NHS: variants seen among roughly 807,000 people sequenced by gnomAD.
NHS encodes the protein actin remodeling regulator NHS.
NHS carries 5 observed loss-of-function variants against 72.5 expected under a neutral mutation model. The ratio of observed to expected loss-of-function variants is 0.07; its 90% CI spans 0.04 to 0.14. The LOEUF is 0.14. Ranked by LOEUF, NHS falls within the 10% of genes least tolerant of loss-of-function variation. The pLI is 1.00. For missense variants in NHS, 1,072 were observed against 1,355.7 expected (o/e 0.79, Z 3.29); for synonymous variants, 464 against 547.7 (o/e 0.85, Z 2.13).
intron 1 of NHS, among the ~76,000 whole-genome samples, chrX:17,381,040 G>A (rs2064375408): frequency 9.0e-6 from 1 of 110,694 alleles, no homozygotes; most frequent in Admixed American, 9.6e-5. Context: ...AGAGAAGGGA[G>A]GGTGTTAATA....
intron 1 of NHS, among the ~76,000 whole-genome samples, chrX:17,563,935 G>A (rs887261240): frequency 8.9e-6 from 1 of 111,748 alleles, no homozygotes; most frequent in Non-Finnish European, 1.9e-5. Flanking sequence ...AACAGGTTTC[G>A]TTCTTTTAGA....
intron 1 of NHS, among the ~76,000 whole-genome samples, chrX:17,626,684 A>T (rs904683792): frequency 8.9e-6 from 1 of 112,045 alleles, no homozygotes; most frequent in African/African-American, 3.2e-5. Context: ...ATTCAATGGT[A>T]TGCTATCCAA....
At chrX:17,647,076 G>A (rs758417512) in intron 1 of NHS, among the ~76,000 whole-genome samples, 1 of 111,672 alleles carries the variant, frequency 9.0e-6, no homozygotes, top group Non-Finnish European at 1.9e-5. Context: ...TATAACTAGA[G>A]GGCACTGGGA....
intron 1 of NHS, among the ~76,000 whole-genome samples, chrX:17,547,591 A>C (rs1322224612): frequency 8.9e-6 from 1 of 112,330 alleles, no homozygotes; most frequent in Non-Finnish European, 1.9e-5. Flanking sequence ...CCTTTCAATA[A>C]AGGGACGTTC....
intron 1 of NHS, among the ~76,000 whole-genome samples, chrX:17,655,476 G>A (rs1249183857): frequency 2.7e-5 from 3 of 112,470 alleles, no homozygotes; most frequent in Non-Finnish European, 1.9e-5. Context: ...GCTCCCGCGC[G>A]CCACCGAGTT....
At chrX:17,553,761 G>A (rs924949942) in intron 1 of NHS, among the ~76,000 whole-genome samples, 1 of 111,463 alleles carries the variant, frequency 9.0e-6, no homozygotes. Context: ...TCCTGTTTCG[G>A]GGGCGGGGTA....
At chrX:17,697,606 TTG>T (rs2066238861) in intron 3 of NHS, among the ~76,000 whole-genome samples, 1 of 111,792 alleles carries the variant, frequency 8.9e-6, no homozygotes. Flanking sequence ...CAAGGGATAA[TTG>T]GGGAAATGTC....
At chrX:17,685,007 G>A (rs2147110009) in intron 1 of NHS, among the ~76,000 whole-genome samples, 1 of 112,431 alleles carries the variant, frequency 8.9e-6, no homozygotes, top group South Asian at 3.7e-4. Context: ...TGGTGAACCC[G>A]AAGATGCAGG....
intron 1 of NHS, among the ~76,000 whole-genome samples, chrX:17,592,586 C>T (rs1668564812): frequency 8.9e-6 from 1 of 112,130 alleles, no homozygotes; most frequent in Non-Finnish European, 1.9e-5. Flanking sequence ...TCGAACTTTG[C>T]CTGGCAAATG....
chrX:17,535,973 C>G (rs1298477557), intron 1 of NHS, among the ~76,000 whole-genome samples: 1 of 111,955 alleles, frequency 8.9e-6, no homozygotes, highest in African/African-American at 3.2e-5. Context: ...TAACTCATTC[C>G]CTCTGCTTCC....
chrX:17,452,406 C>T (rs1229978191), intron 1 of NHS, among the ~76,000 whole-genome samples: 7 of 111,354 alleles, frequency 6.3e-5, no homozygotes, highest in African/African-American at 2.0e-4. Flanking sequence ...TAATCTAAAT[C>T]TGGGGCCTCC....
chrX:17,477,288 A>G (rs999594458), intron 1 of NHS, among the ~76,000 whole-genome samples: 1 of 111,808 alleles, frequency 8.9e-6, no homozygotes, highest in African/African-American at 3.2e-5. Context: ...TCATGTGGAT[A>G]TCTGAAGAAG....
At chrX:17,669,600 G>C (rs1226121302) in intron 1 of NHS, among the ~76,000 whole-genome samples, 2 of 111,648 alleles carry the variant, frequency 1.8e-5, no homozygotes, top group Non-Finnish European at 3.8e-5. Context: ...CCAAAAGAGG[G>C]CACCCTAGTC....
chrX:17,575,004 G>A (rs1436034484), intron 1 of NHS, among the ~76,000 whole-genome samples: 1 of 112,007 alleles, frequency 8.9e-6, no homozygotes, highest in Non-Finnish European at 1.9e-5. Flanking sequence ...CAGTGACAAT[G>A]AAGGGAGAAG....
At chrX:17,621,086 A>C (rs1374637337) in intron 1 of NHS, among the ~76,000 whole-genome samples, 1 of 112,587 alleles carries the variant, frequency 8.9e-6, no homozygotes, top group African/African-American at 3.2e-5. Context: ...ACCCCAACCC[A>C]GGCCCCAGAT....
intron 1 of NHS, among the ~76,000 whole-genome samples, chrX:17,487,389 C>T (rs1024029232): frequency 3.6e-5 from 4 of 111,679 alleles, no homozygotes; most frequent in Non-Finnish European, 5.6e-5. Flanking sequence ...GCCCACCCTC[C>T]AACGCAGCCT....
At chrX:17,471,032 C>T (rs1043340044) in intron 1 of NHS, among the ~76,000 whole-genome samples, 2 of 111,613 alleles carry the variant, frequency 1.8e-5, no homozygotes, top group African/African-American at 6.5e-5. Context: ...ATACTTTATA[C>T]CCAAGGAGGG....
At chrX:17,560,828 T>C (rs2065408583) in intron 1 of NHS, among the ~76,000 whole-genome samples, 1 of 112,669 alleles carries the variant, frequency 8.9e-6, no homozygotes, top group Non-Finnish European at 1.9e-5. Context: ...CCTCAACAAC[T>C]GAATTCAAAG....
chrX:17,442,588 C>T (rs1045363112), intron 1 of NHS, among the ~76,000 whole-genome samples: 5 of 112,208 alleles, frequency 4.5e-5, no homozygotes, highest in African/African-American at 1.6e-4. Context: ...ATGGATGTTT[C>T]ATGTTCTTCC....
Sources: gnomAD v4.1 joint callset for allele counts (sites outside exome capture counted in the v4.1 genomes callset) on GRCh38, gnomAD v4.1.1 for gene constraint, MANE v1.5 for transcripts, NCBI Gene and HGNC (gene_info 2026-07-23, HGNC 2026-07-21) for gene names.